DGCR8: variants seen among roughly 807,000 people sequenced by gnomAD.
DGCR8 encodes the protein microprocessor complex subunit DGCR8.
In DGCR8, 14 loss-of-function variants were observed where a neutral mutation model predicts 78.5. The ratio of observed to expected loss-of-function variants is 0.18; its 90% confidence interval spans 0.12 to 0.28. The LOEUF is 0.28. Ranked by LOEUF, DGCR8 falls within the 10% of genes least tolerant of loss-of-function variation. The pLI is 1.00. For missense variants in DGCR8, 702 were observed against 1,022.5 expected (o/e 0.69, Z 4.28); for synonymous variants, 399 against 402.4 (o/e 0.99, Z 0.10).
intron 9 of DGCR8, chr22:20,100,774 A>G (rs2049689023): frequency 3.0e-6 from 3 of 985,282 alleles, no homozygotes; most frequent in East Asian, 1.1e-4. Flanking sequence ...CTTCCGCTGT[A>G]GACTCCCCTG....
chr22:20,104,593 A>G (rs938574490), intron 9 of DGCR8, among the ~76,000 whole-genome samples: 2 of 152,140 alleles, frequency 1.3e-5, no homozygotes, highest in African/African-American at 4.8e-5. Flanking sequence ...GGCCGACAGC[A>G]CTGGACGTTG....
chr22:20,090,311 GT>G, intron 5 of DGCR8, 53 bp downstream of exon 5: 1 of 1,530,298 alleles, frequency 6.5e-7, no homozygotes, highest in South Asian at 1.3e-5. Context: ...CATGAGCTTT[GT>G]TTTTCTAATG....
Position 20,086,284 on chromosome 22 carries a change from G to A in DGCR8, c.321G>A (p.Lys107=). The change falls in exon 2 of 14, where the codon AAG becomes AAA. Residue 107 remains lysine, a synonymous_variant. Transcript: ENST00000351989. This position sits in a 1 kb window ranked among gnomAD's most constrained non-coding sequence, Gnocchi z 6.4. ...CCCGGCACGCACCTGCGGTCCGGAAGTTCTCCCCTGACCTTAAGTTGCTTA... is the reference window on the plus strand; with the variant it reads ...CCCGGCACGCACCTGCGGTCCGGAAATTCTCCCCTGACCTTAAGTTGCTTA... ...RTARHAPAVR[K]FSPDLKLLKD... 1.2e-6 allele frequency: 2 copies of A among 1,614,190 alleles called. No homozygotes were observed. Among genetic ancestry groups the A allele is most frequent in the Non-Finnish European group, 1.7e-6 (2 of 1,180,040 alleles).
At position 20,085,717 on chromosome 22, in the gene DGCR8, A is replaced by G. The variant is rs1187618570; in HGVS notation, c.-247A>G. The G allele has an allele frequency of 7.5e-7, 1 of 1,325,574 alleles. No individual in the cohort carries two copies. Among genetic ancestry groups the G allele is most frequent in the Admixed American group, 3.7e-5 (1 of 27,322 alleles). 82.1% of individuals were successfully genotyped at this position (1,325,574 alleles called of 1,614,324 possible). A position where few individuals can be genotyped will look rare whatever the true frequency, so the allele number is the denominator to read the frequency against. The stretch of plus-strand genomic sequence containing the variant: ...AGAAGAAAGGTGCCACTCCGGCATG[A>G]AGACAGACTCGCTTAGTCGCCAGTC... On this transcript the variant is annotated 5_prime_UTR_variant, in exon 2 of 14. Transcript: ENST00000351989. The surrounding 1 kb of genome is among the most constrained non-coding windows in gnomAD (Gnocchi z 6.2).
chr22:20,102,836 C>A (rs1272268846), intron 9 of DGCR8, among the ~76,000 whole-genome samples: 1 of 152,166 alleles, frequency 6.6e-6, no homozygotes, highest in East Asian at 1.9e-4. Flanking sequence ...ATGTCAGTTT[C>A]TATAAAAAAT....
intron 5 of DGCR8, 35 bp from the exon 6 acceptor site, chr22:20,091,400 T>G (rs774480219): frequency 6.2e-7 from 1 of 1,610,778 alleles, no homozygotes; most frequent in Non-Finnish European, 8.5e-7. Flanking sequence ...ATGTTGGAAG[T>G]TAAGTAATTT....
chr22:20,085,066 C>T lies in DGCR8; in HGVS notation c.-277-621C>T, dbSNP rs1281128766. 2 of 980,998 alleles carry T rather than the reference C, an allele frequency of 2.0e-6. No homozygotes were observed. Among genetic ancestry groups the T allele is most frequent in the African/African-American group, 3.5e-5 (2 of 57,158 alleles). The allele number at this position is 980,998 out of a possible 1,614,324, so 60.8% of individuals were successfully genotyped here. ...CTTCCCCACAGCCACCCACCCCTCT[C>T]CTCCATCGGGAACAGAACTATGCTG... On this transcript the variant is annotated intron_variant, in intron 1 of 13. Coordinates refer to ENST00000351989, the MANE Select transcript of DGCR8 (RefSeq NM_022720.7). This position sits in a 1 kb window ranked among gnomAD's most constrained non-coding sequence, Gnocchi z 6.2.
rs1188264690 is a variant in DGCR8 at position 20,085,230 on chromosome 22, T to C, written c.-277-457T>C. 6.6e-6 allele frequency among the ~76,000 whole-genome samples: 1 copy of C among 152,170 alleles called. No homozygotes were observed. The highest frequency in any genetic ancestry group is 1.9e-4 in the East Asian group (1 of 5,190). The stretch of plus-strand genomic sequence containing the variant: ...GGCCCCTAGTGCCGCAGAGTTGAGC[T>C]GAGGGTCTCGCGCTCGCCCTCTGAC... On this transcript the variant is annotated intron_variant, in intron 1 of 13. Transcript: ENST00000351989. The surrounding 1 kb of genome is among the most constrained non-coding windows in gnomAD (Gnocchi z 6.2).
rs117148342 is a variant in DGCR8 at position 20,089,119 on chromosome 22, G to A, written c.881-550G>A. Among the ~76,000 whole-genome samples the A allele has an allele frequency of 7.6e-3, 1,155 of 152,310 alleles. 6 individuals are homozygous for A. The highest frequency in any genetic ancestry group is 0.011 in the Non-Finnish European group (777 of 68,020). On this transcript the variant is annotated intron_variant, in intron 3 of 13. Transcript: ENST00000351989. The surrounding 1 kb of genome is among the most constrained non-coding windows in gnomAD (Gnocchi z 4.9). The stretch of plus-strand genomic sequence containing the variant: ...GTGGCAGGTGTCAAGTTGATAAGTC[G>A]TAAACCTCTTCCTCACAACTGCCTA...
At chr22:20,108,459 C>T (rs2049795335) in intron 12 of DGCR8, 1 of 158,658 alleles carries the variant, frequency 6.3e-6, no homozygotes, top group South Asian at 1.9e-4. Context: ...TGAGGCCAGC[C>T]TGATGCTGCT....
intron 1 of DGCR8, among the ~76,000 whole-genome samples, chr22:20,083,624 T>C (rs2049442689): frequency 1.3e-5 from 2 of 152,150 alleles, no homozygotes; most frequent in Admixed American, 1.3e-4. Context: ...TCCGTCCCAC[T>C]GTTGGTCTCT....
Position 20,087,397 on chromosome 22 carries a change from G to T in DGCR8, c.880+76G>T. On this transcript the variant is annotated intron_variant, in intron 3 of 13. Coordinates refer to ENST00000351989, the MANE Select transcript of DGCR8 (RefSeq NM_022720.7). This position sits in a 1 kb window ranked among gnomAD's most constrained non-coding sequence, Gnocchi z 4.1. The stretch of plus-strand genomic sequence containing the variant: ...GTTGCTTCCTTAGCAGAAATGCTTT[G>T]AGAGAGCTCTGGTGCCAGGTAGTGG... 1.3e-6 allele frequency: 2 copies of T among 1,502,066 alleles called. No homozygotes were observed. Among genetic ancestry groups the T allele is most frequent in the South Asian group, 2.6e-5 (2 of 76,380 alleles). 93.0% of individuals were successfully genotyped at this position (1,502,066 alleles called of 1,614,324 possible).
In DGCR8 at chr22:20,109,971, G is replaced by A. The variant is rs940862209; in HGVS notation, c.2239-54G>A. ...CTCTCCCTCCACCTTGTGTCTTCCCGAGCCTCTGCCAAGCCCACCTCACTG... is the reference window on the plus strand; with the variant it reads ...CTCTCCCTCCACCTTGTGTCTTCCCAAGCCTCTGCCAAGCCCACCTCACTG... On this transcript the variant is annotated intron_variant, in intron 13 of 13. Coordinates refer to ENST00000351989, the MANE Select transcript of DGCR8 (RefSeq NM_022720.7). The A allele has an allele frequency of 2.5e-5, 39 of 1,571,058 alleles. No homozygotes were observed. In the East Asian group the frequency reaches 6.7e-4, roughly 27 times the overall value.
chr22:20,097,187 C>T (rs554566352), intron 9 of DGCR8, among the ~76,000 whole-genome samples: 1 of 152,238 alleles, frequency 6.6e-6, no homozygotes, highest in South Asian at 2.1e-4. Flanking sequence ...TAATACTGGC[C>T]TCATAAAATG....
rs2049846159 is a variant in DGCR8 at position 20,111,572 on chromosome 22, TAGCC to T, written c.*1471_*1474del. 2.0e-5 allele frequency: 8 copies of T among 397,268 alleles called. No homozygotes were observed. Among genetic ancestry groups the T allele is most frequent in the Non-Finnish European group, 3.1e-5 (7 of 225,808 alleles). 24.6% of individuals were successfully genotyped at this position (397,268 alleles called of 1,614,324 possible). A position where few individuals can be genotyped will look rare whatever the true frequency, so the allele number is the denominator to read the frequency against. ...GTCATTTGACTGTGACTGTTGCCCT[TAGCC>T]AGCCAGATGCGCCTGTGAACCAAAG... is the stretch of plus-strand genomic sequence containing the variant. On this transcript the variant is annotated 3_prime_UTR_variant, in exon 14 of 14. Transcript: ENST00000351989.
intron 3 of DGCR8, among the ~76,000 whole-genome samples, chr22:20,088,978 T>G (rs2049521914): frequency 6.6e-6 from 1 of 152,120 alleles, no homozygotes; most frequent in Non-Finnish European, 1.5e-5. Flanking sequence ...AGAGTCAGGG[T>G]CTTGCTGTGT....
intron 12 of DGCR8, 123 bp downstream of exon 12, chr22:20,107,521 C>T (rs930242443): frequency 4.8e-6 from 6 of 1,247,734 alleles, no homozygotes; most frequent in South Asian, 1.4e-5. Context: ...CTGCCTCTCT[C>T]CTGGGCCACT....
Position 20,086,262 on chromosome 22 carries a change from G to A in DGCR8, c.299G>A (p.Arg100Gln), listed in dbSNP as rs1365683696. 5 of 1,614,154 alleles carry A rather than the reference G, an allele frequency of 3.1e-6. No individual in the cohort carries two copies. Among genetic ancestry groups the A allele is most frequent in the Middle Eastern group, 3.3e-4 (2 of 6,062 alleles). ...NCSGHSPRTARHAPAVRKFSP... is the reference protein window; with the variant it reads ...NCSGHSPRTAQHAPAVRKFSP... ...AGTGGCCACAGCCCGCGCACCGCCC[G>A]GCACGCACCTGCGGTCCGGAAGTTC... Residue 100 changes from arginine to glutamine, a missense_variant, in exon 2 of 14, where the codon CGG becomes CAG. Physicochemically the swap from Arg to Gln is conservative, Grantham distance 43 (BLOSUM62 1). Around this residue, in one of 4 missense-constraint regions of DGCR8, gnomAD observed 356 missense variants for 448.9 expected, o/e 0.79. Transcript: ENST00000351989. The surrounding 1 kb of genome is among the most constrained non-coding windows in gnomAD (Gnocchi z 6.4).
chr22:20,103,307 C>T lies in DGCR8; in HGVS notation c.1789-2870C>T, dbSNP rs542466506. On this transcript the variant is annotated intron_variant, in intron 9 of 13. Transcript: ENST00000351989. Reference sequence around the variant, plus strand: ...TCTTTCATGGGTGGTCGGCAGTTTTCATCACACAGGCCCTGTGTATATTCT... The same window carrying T: ...TCTTTCATGGGTGGTCGGCAGTTTTTATCACACAGGCCCTGTGTATATTCT... Among the ~76,000 whole-genome samples, 6 of 152,128 alleles carry T rather than the reference C, an allele frequency of 3.9e-5. No homozygotes were observed. The East Asian group carries it at 1.2e-3, about 29-fold the overall frequency.
Sources: allele counts gnomAD v4.1 joint callset (sites outside exome capture counted in the v4.1 genomes callset), GRCh38; gene constraint gnomAD v4.1.1; regional missense constraint gnomAD v4.1.1; non-coding constraint Gnocchi (gnomAD v3.1); transcripts MANE v1.5; gene names NCBI Gene and HGNC (gene_info 2026-07-23, HGNC 2026-07-21).